Variants in PEAK1 observed in about 807,000 individuals in gnomAD.
The protein encoded by PEAK1 is pseudopodium enriched atypical kinase 1, also known as inactive tyrosine-protein kinase PEAK1.
Under a neutral mutation model 124.7 loss-of-function variants are expected in PEAK1, and 54 were observed. The observed-to-expected ratio is 0.43, with a 90% CI of 0.35 to 0.54. PEAK1 has a LOEUF of 0.54. PEAK1 is among the 20% of genes least tolerant of loss of function. PEAK1 has a pLI of 0.01. For missense variants in PEAK1, 2,046 were observed against 2,134.5 expected, an observed-to-expected ratio of 0.96 and a Z score of 0.82; for synonymous variants, 719 against 760.0, an observed-to-expected ratio of 0.95 and a Z score of 0.89.
intron 6 of PEAK1, among the ~76,000 whole-genome samples, chr15:77,219,662 C>T (rs1020434133): frequency 5.3e-5 from 8 of 152,096 alleles, no homozygotes; most frequent in African/African-American, 9.7e-5. Flanking sequence ...AGTACTCATA[C>T]ACCAAAGGGT....
At chr15:77,376,168 G>C (rs948918911) in intron 1 of PEAK1, among the ~76,000 whole-genome samples, 1 of 151,860 alleles carries the variant, frequency 6.6e-6, no homozygotes, top group Non-Finnish European at 1.5e-5. Context: ...CAGGCAACTT[G>C]AAACTCTTCT....
chr15:77,241,364 C>T (rs2060348828), intron 6 of PEAK1, among the ~76,000 whole-genome samples: 2 of 152,062 alleles, frequency 1.3e-5, no homozygotes, highest in Non-Finnish European at 2.9e-5. Context: ...AAAAAAACTA[C>T]AGCTAATATC....
chr15:77,271,840 T>A (rs1356723507), intron 5 of PEAK1, among the ~76,000 whole-genome samples: 1 of 151,730 alleles, frequency 6.6e-6, no homozygotes, highest in Non-Finnish European at 1.5e-5. Context: ...AAATGACGAG[T>A]TAATGGGTGC....
intron 1 of PEAK1, among the ~76,000 whole-genome samples, chr15:77,385,335 A>G (rs538838129): frequency 6.6e-6 from 1 of 152,326 alleles, no homozygotes; most frequent in African/African-American, 2.4e-5. Context: ...TGCAAATAGA[A>G]GACAATTGTT....
chr15:77,287,471 T>C (rs1234001725), intron 2 of PEAK1, among the ~76,000 whole-genome samples: 1 of 152,254 alleles, frequency 6.6e-6, no homozygotes, highest in African/African-American at 2.4e-5. Flanking sequence ...TCAAGAATGC[T>C]TAAATTGTGA....
chr15:77,270,866 A>G (rs75533689), intron 5 of PEAK1, among the ~76,000 whole-genome samples: 1 of 152,152 alleles, frequency 6.6e-6, no homozygotes, highest in Non-Finnish European at 1.5e-5. Flanking sequence ...GGATGTAGGC[A>G]TGGGCAAGGA....
At chr15:77,170,048 C>T (rs555575289) in intron 7 of PEAK1, among the ~76,000 whole-genome samples, 1 of 151,916 alleles carries the variant, frequency 6.6e-6, no homozygotes, top group Non-Finnish European at 1.5e-5. Flanking sequence ...ATTTTTGATA[C>T]CCGATGATGT....
chr15:77,212,672 A>G (rs1456729352), intron 6 of PEAK1, among the ~76,000 whole-genome samples: 1 of 152,212 alleles, frequency 6.6e-6, no homozygotes, highest in African/African-American at 2.4e-5. Context: ...CATTTTATTT[A>G]TCTGCTCCCT....
intron 6 of PEAK1, among the ~76,000 whole-genome samples, chr15:77,210,176 C>T (rs558270104): frequency 6.6e-6 from 1 of 152,242 alleles, no homozygotes; most frequent in East Asian, 1.9e-4. Flanking sequence ...TTATGTTACA[C>T]TAAGGCAATA....
intron 6 of PEAK1, among the ~76,000 whole-genome samples, chr15:77,188,560 T>G (rs2057667186): frequency 6.6e-6 from 1 of 152,208 alleles, no homozygotes; most frequent in Non-Finnish European, 1.5e-5. Context: ...TAAAGTATTA[T>G]CTAATAACAG....
At chr15:77,354,316 C>A (rs2067374452) in intron 2 of PEAK1, among the ~76,000 whole-genome samples, 1 of 152,214 alleles carries the variant, frequency 6.6e-6, no homozygotes, top group Non-Finnish European at 1.5e-5. Flanking sequence ...CCTCACCCAA[C>A]ACCAATATTT....
chr15:77,277,373 T>C (rs1567202117), intron 5 of PEAK1, among the ~76,000 whole-genome samples: 1 of 152,130 alleles, frequency 6.6e-6, no homozygotes, highest in East Asian at 1.9e-4. Context: ...GGTTAAGGAA[T>C]TCTGTATCTT....
At chr15:77,214,535 A>G (rs2059058261) in intron 6 of PEAK1, among the ~76,000 whole-genome samples, 1 of 151,540 alleles carries the variant, frequency 6.6e-6, no homozygotes, top group Admixed American at 6.6e-5. Flanking sequence ...GAGGCAGGAG[A>G]ATGGCGTGAA....
chr15:77,101,670 C>T (rs531429622), exon 7 of PEAK1: 1 of 152,200 alleles, frequency 6.6e-6, no homozygotes, highest in Non-Finnish European at 1.5e-5. Context: ...CTTACAAGCT[C>T]AGAATAGCTG....
chr15:77,164,964 C>T (rs1016342414), intron 7 of PEAK1, among the ~76,000 whole-genome samples: 8 of 150,552 alleles, frequency 5.3e-5, no homozygotes, highest in African/African-American at 2.0e-4. Context: ...AGTGCAATGG[C>T]GTAATTTCTG....
chr15:77,190,801 A>G (rs953066209), intron 6 of PEAK1, among the ~76,000 whole-genome samples: 2 of 152,220 alleles, frequency 1.3e-5, no homozygotes, highest in East Asian at 1.9e-4. Context: ...AAGACAGCCA[A>G]TGGTAATGAA....
intron 1 of PEAK1, among the ~76,000 whole-genome samples, chr15:77,400,867 T>A (rs1050133427): frequency 6.6e-6 from 1 of 152,318 alleles, no homozygotes; most frequent in South Asian, 2.1e-4. Flanking sequence ...ATATATTGTT[T>A]GAATTTTTCT....
chr15:77,418,853 A>C, intron 1 of PEAK1: 1 of 985,466 alleles, frequency 1.0e-6, no homozygotes. Context: ...CTGTGGCTGA[A>C]CAAAAATCAG....
At chr15:77,184,367 G>A (rs2057432106) in intron 6 of PEAK1, among the ~76,000 whole-genome samples, 1 of 152,100 alleles carries the variant, frequency 6.6e-6, no homozygotes, top group Non-Finnish European at 1.5e-5. Context: ...TATATTGCTG[G>A]TGGGAATGTA....
Sources: allele counts gnomAD v4.1 joint callset (sites outside exome capture counted in the v4.1 genomes callset), GRCh38; gene constraint gnomAD v4.1.1; transcripts MANE v1.5; gene names NCBI Gene and HGNC (gene_info 2026-07-23, HGNC 2026-07-21).